The following ZFHX3 variants were observed in gnomAD, a reference collection of about 807,000 sequenced individuals.
ZFHX3 encodes the protein zinc finger homeobox 3.
A neutral mutation model predicts 279.1 loss-of-function variants in ZFHX3; 42 were observed. The ratio of observed to expected loss-of-function variants is 0.15; its 90% CI spans 0.12 to 0.19. The LOEUF (loss-of-function observed/expected upper bound fraction) is 0.19. Ranked by LOEUF, ZFHX3 falls within the 10% of genes least tolerant of loss-of-function variation. The probability of loss-of-function intolerance (pLI) is 1.00; values close to 1 mark genes in which losing one functional copy is unlikely to be tolerated. For missense variants in ZFHX3, 4,981 were observed against 4,754.0 expected (o/e 1.05, Z -1.40); for synonymous variants, 2,293 against 1,957.8 (o/e 1.17, Z -4.52).
chr16:73,684,511 G>C (rs2053058418), intron 1 of ZFHX3, among the ~76,000 whole-genome samples: 1 of 152,106 alleles, frequency 6.6e-6, no homozygotes, highest in Non-Finnish European at 1.5e-5. Context: ...ATTGGATTAA[G>C]GTAGGTAGAA....
At chr16:73,653,578 T>A (rs935046627) in intron 2 of ZFHX3, among the ~76,000 whole-genome samples, 1 of 152,124 alleles carries the variant, frequency 6.6e-6, no homozygotes, top group Admixed American at 6.5e-5. Flanking sequence ...TTGTGAGATA[T>A]AACTAAAGCA....
chr16:73,857,801 G>A (rs1279351005), intron 1 of ZFHX3, among the ~76,000 whole-genome samples: 5 of 152,104 alleles, frequency 3.3e-5, no homozygotes. Context: ...TTGACATCTT[G>A]CAGAAATCAA....
intron 4 of ZFHX3, among the ~76,000 whole-genome samples, chr16:73,269,432 G>C (rs1001819391): frequency 1.3e-5 from 2 of 152,108 alleles, no homozygotes; most frequent in Non-Finnish European, 1.5e-5. Context: ...AGTATTTTTT[G>C]TTAGCGACTT....
chr16:73,426,831 T>G (rs1225304198), intron 3 of ZFHX3, among the ~76,000 whole-genome samples: 1 of 152,246 alleles, frequency 6.6e-6, no homozygotes, highest in African/African-American at 2.4e-5. Context: ...AGTGCCAGAA[T>G]CTGCTGTAAG....
chr16:73,460,456 A>G (rs1404571255), intron 2 of ZFHX3, among the ~76,000 whole-genome samples: 1 of 152,242 alleles, frequency 6.6e-6, no homozygotes, highest in African/African-American at 2.4e-5. Flanking sequence ...GTGTGAACAC[A>G]AATTTCCATA....
At chr16:72,986,471 AT>A (rs1962848757) in intron 1 of ZFHX3, among the ~76,000 whole-genome samples, 1 of 152,176 alleles carries the variant, frequency 6.6e-6, no homozygotes, top group Non-Finnish European at 1.5e-5. Context: ...TGTAGAATGC[AT>A]TTCCGCCAAC....
At chr16:73,005,744 T>G (rs1162803752) in intron 1 of ZFHX3, 1 of 151,986 alleles carries the variant, frequency 6.6e-6, no homozygotes, top group Non-Finnish European at 1.5e-5. Context: ...GAGCTGAGAT[T>G]GTGTCACTGA....
intron 6 of ZFHX3, among the ~76,000 whole-genome samples, chr16:73,142,462 G>C (rs962370263): frequency 5.3e-5 from 8 of 152,208 alleles, no homozygotes; most frequent in Admixed American, 3.3e-4. Context: ...GTACAGAGGG[G>C]GGATTATATT....
intron 2 of ZFHX3, among the ~76,000 whole-genome samples, chr16:73,644,695 T>C (rs74030149): frequency 0.14 from 20,603 of 150,236 alleles, 1,983 homozygotes; most frequent in African/African-American, 0.28. Flanking sequence ...CAAAAAAACC[T>C]CAGCAGTTTC....
chr16:73,417,857 C>T (rs2143481859), intron 3 of ZFHX3, among the ~76,000 whole-genome samples: 1 of 151,140 alleles, frequency 6.6e-6, no homozygotes, highest in East Asian at 1.9e-4. Context: ...GGCATGGTGG[C>T]AGGCGCCTGT....
intron 1 of ZFHX3, among the ~76,000 whole-genome samples, chr16:73,042,087 T>C (rs886251791): frequency 1.3e-5 from 2 of 152,190 alleles, no homozygotes; most frequent in Admixed American, 6.5e-5. Flanking sequence ...TCTACACATA[T>C]GTGGTTTTTA....
Position 72,811,759 on chromosome 16 carries a change from A to G in ZFHX3, c.3682T>C (p.Cys1228Arg). The G allele has an allele frequency of 6.2e-7, 1 of 1,613,874 alleles. No homozygotes were observed. Among genetic ancestry groups the G allele is most frequent in the South Asian group, 1.1e-5 (1 of 91,028 alleles). The change falls in exon 7 of 10, where the codon TGC becomes CGC. Residue 1228 changes from cysteine (C) to arginine (R), a missense_variant. Physicochemically the swap from Cys to Arg is radical, Grantham distance 180. This residue lies in a region of ZFHX3 where 1,751 missense variants were observed against 1,770.0 expected (regional missense o/e 0.99). Coordinates refer to ENST00000268489, the MANE Select transcript of ZFHX3 (RefSeq NM_006885.4). ...KPEQMYQCPYCKYSNADVNRL... is the reference protein window; with the variant it reads ...KPEQMYQCPYRKYSNADVNRL... ...TTGACATCGGCATTACTGTACTTGC[A>G]GTAGGGACACTGGTACATCTGTGGG...
intron 1 of ZFHX3, among the ~76,000 whole-genome samples, chr16:73,781,120 G>T (rs897683378): frequency 1.3e-5 from 2 of 152,192 alleles, no homozygotes; most frequent in South Asian, 4.1e-4. Context: ...TCTCAAGGAA[G>T]TCGGAGTGTT....
At chr16:72,838,970 T>C in intron 4 of ZFHX3, among the ~76,000 whole-genome samples, 1 of 151,588 alleles carries the variant, frequency 6.6e-6, no homozygotes, top group Non-Finnish European at 1.5e-5. Flanking sequence ...CCTGAAACGC[T>C]CTCGGAATAC....
At chr16:73,735,291 G>A (rs957484047) in intron 1 of ZFHX3, among the ~76,000 whole-genome samples, 1 of 149,902 alleles carries the variant, frequency 6.7e-6, no homozygotes, top group Non-Finnish European at 1.5e-5. Flanking sequence ...CAACTATAAG[G>A]TTTGATGATA....
intron 3 of ZFHX3, among the ~76,000 whole-genome samples, chr16:72,900,404 GT>G (rs2039006599): frequency 6.6e-6 from 1 of 152,198 alleles, no homozygotes. Context: ...CAAAACGGGT[GT>G]GCTACTTCAT....
chr16:73,020,438 A>T (rs993284886), intron 1 of ZFHX3, among the ~76,000 whole-genome samples: 10 of 152,182 alleles, frequency 6.6e-5, no homozygotes, highest in Non-Finnish European at 1.3e-4. Flanking sequence ...CCGAAAGAAA[A>T]ACATCCCCCA....
intron 2 of ZFHX3, among the ~76,000 whole-genome samples, chr16:73,556,587 G>A (rs1161742152): frequency 6.6e-6 from 1 of 151,980 alleles, no homozygotes; most frequent in African/African-American, 2.4e-5. Flanking sequence ...AAAATCTACT[G>A]GGGTTTTCAG....
chr16:73,419,948 C>CACTCTGT (rs1171148395), intron 3 of ZFHX3: 1 of 151,606 alleles, frequency 6.6e-6, no homozygotes, highest in African/African-American at 2.4e-5. Flanking sequence ...ACTCTGTCAC[C>CACTCTGT]CAGGCTGGAG....
Sources: allele counts gnomAD v4.1 joint callset (sites outside exome capture counted in the v4.1 genomes callset), GRCh38; gene constraint gnomAD v4.1.1; regional missense constraint gnomAD v4.1.1; transcripts MANE v1.5; gene names NCBI Gene and HGNC (gene_info 2026-07-23, HGNC 2026-07-21).